Variants in PRKAR1B observed in about 807,000 individuals in gnomAD.
The protein encoded by PRKAR1B is cAMP-dependent protein kinase type I-beta regulatory subunit.
In PRKAR1B, 22 loss-of-function variants were observed where a neutral mutation model predicts 46.5. That is an observed-to-expected ratio of 0.47 (90% confidence interval 0.34 to 0.68). The LOEUF (loss-of-function observed/expected upper bound fraction) is 0.68. Among genes scored for constraint, PRKAR1B ranks in the 30% least tolerant of loss-of-function variants. PRKAR1B has a pLI of 0.01. For missense variants in PRKAR1B, 445 were observed against 535.6 expected, an observed-to-expected ratio of 0.83 and a Z score of 1.67; for synonymous variants, 259 against 217.7, an observed-to-expected ratio of 1.19 and a Z score of -1.67.
chr7:591,629 C>T (rs1016716472), intron 7 of PRKAR1B, among the ~76,000 whole-genome samples: 12 of 152,196 alleles, frequency 7.9e-5, no homozygotes, highest in South Asian at 2.1e-4. Context: ...GCGGGAGGGT[C>T]GCTTGAGCTC....
intron 6 of PRKAR1B, among the ~76,000 whole-genome samples, chr7:598,875 A>C (rs1781432385): frequency 6.6e-6 from 1 of 152,242 alleles, no homozygotes; most frequent in Non-Finnish European, 1.5e-5. Context: ...CTGCCCAGGC[A>C]AGTGGCAGGA....
chr7:586,707 A>G (rs891768143), intron 7 of PRKAR1B, among the ~76,000 whole-genome samples: 3 of 152,206 alleles, frequency 2.0e-5, no homozygotes, highest in Non-Finnish European at 4.4e-5. Flanking sequence ...GCTAACTAAT[A>G]CATCCAGCAA....
chr7:727,030 C>T (rs1781334879), intron 1 of PRKAR1B, 180 bp downstream of exon 1: 1 of 1,143,742 alleles, frequency 8.7e-7, no homozygotes, highest in Non-Finnish European at 1.1e-6. Flanking sequence ...GGATCTGGGC[C>T]TGCGCCGCGC....
At chr7:573,600 GCCC>G (rs1226586495) in intron 9 of PRKAR1B, among the ~76,000 whole-genome samples, 2 of 152,310 alleles carry the variant, frequency 1.3e-5, no homozygotes, top group East Asian at 1.9e-4. Context: ...AGCCGGGTGA[GCCC>G]CCCAAGATCA....
chr7:712,090 C>T (rs1780668461), intron 1 of PRKAR1B, among the ~76,000 whole-genome samples: 1 of 151,678 alleles, frequency 6.6e-6, no homozygotes, highest in African/African-American at 2.4e-5. Context: ...AGAACAAATG[C>T]GGCGGCCGCG....
At chr7:642,807 A>G (rs949745242) in intron 4 of PRKAR1B, among the ~76,000 whole-genome samples, 4 of 151,324 alleles carry the variant, frequency 2.6e-5, no homozygotes, top group African/African-American at 9.8e-5. Context: ...TTTCCTAAAA[A>G]CTAGCTGGTT....
At chr7:579,076 T>TCAGTGG in intron 9 of PRKAR1B, 180 bp downstream of exon 9, 1 of 985,460 alleles carries the variant, frequency 1.0e-6, no homozygotes, top group Non-Finnish European at 1.2e-6. Context: ...AGGAGGAATC[T>TCAGTGG]CAGTGGCAGG....
chr7:643,908 C>T (rs1017550684), intron 4 of PRKAR1B, among the ~76,000 whole-genome samples: 5 of 152,120 alleles, frequency 3.3e-5, no homozygotes, highest in African/African-American at 1.2e-4. Context: ...CAGCCACTCC[C>T]GTCGCCCCAA....
At chr7:724,756 T>C (rs1254168781) in intron 1 of PRKAR1B, among the ~76,000 whole-genome samples, 2 of 152,246 alleles carry the variant, frequency 1.3e-5, no homozygotes, top group African/African-American at 2.4e-5. Context: ...TTAAGGGCTA[T>C]CTCATCCTGC....
chr7:691,942 T>C lies in PRKAR1B; in HGVS notation c.178-11216A>G, dbSNP rs892024506. 1.7e-5 allele frequency: 14 copies of C among 805,136 alleles called. No individual in the cohort carries two copies. The African/African-American group carries it at 2.2e-4, about 13-fold the overall frequency. The allele number at this position is 805,136 out of a possible 1,614,324, so 49.9% of individuals were successfully genotyped here. A position where few individuals can be genotyped will look rare whatever the true frequency, so the allele number is the denominator to read the frequency against. On this transcript the variant is annotated intron_variant, in intron 2 of 10. Coordinates refer to ENST00000537384, the MANE Select transcript of PRKAR1B (RefSeq NM_001164760.2). ...CCCTTGCTCACATCCATCCCCAGGCTGAATCACTGGGAGACGGAAATCAAG... is the reference window on the plus strand; with the variant it reads ...CCCTTGCTCACATCCATCCCCAGGCCGAATCACTGGGAGACGGAAATCAAG...
At chr7:700,823 T>A (rs1376648918) in intron 2 of PRKAR1B, among the ~76,000 whole-genome samples, 1 of 152,130 alleles carries the variant, frequency 6.6e-6, no homozygotes, top group African/African-American at 2.4e-5. Context: ...GATGGGATCA[T>A]TTGCAGAATG....
At chr7:613,458 C>T (rs780260116) in intron 4 of PRKAR1B, among the ~76,000 whole-genome samples, 1 of 152,130 alleles carries the variant, frequency 6.6e-6, no homozygotes, top group Non-Finnish European at 1.5e-5. Context: ...CTGAGTGTGG[C>T]ACAGACTCCA....
chr7:598,820 C>G (rs1340486292), intron 6 of PRKAR1B, among the ~76,000 whole-genome samples: 1 of 152,232 alleles, frequency 6.6e-6, no homozygotes, highest in African/African-American at 2.4e-5. Context: ...GGTGAGTGAG[C>G]CTCTTGGCCC....
intron 4 of PRKAR1B, among the ~76,000 whole-genome samples, chr7:613,292 A>G (rs1439836236): frequency 7.2e-6 from 1 of 138,966 alleles, no homozygotes. Flanking sequence ...AATTTTCTAT[A>G]ATTACATTGT....
chr7:711,236 G>T (rs1780608518), intron 2 of PRKAR1B, 93 bp downstream of exon 2: 1 of 1,514,684 alleles, frequency 6.6e-7, no homozygotes, highest in Non-Finnish European at 9.0e-7. Flanking sequence ...CCCAGCCTTC[G>T]AGGACCACGG....
At chr7:679,149 G>A (rs1005877529) in intron 3 of PRKAR1B, among the ~76,000 whole-genome samples, 1 of 152,216 alleles carries the variant, frequency 6.6e-6, no homozygotes, top group Non-Finnish European at 1.5e-5. Flanking sequence ...AAATTGCAAA[G>A]ATCATTCTCG....
intron 4 of PRKAR1B, among the ~76,000 whole-genome samples, chr7:620,778 T>C (rs1186140130): frequency 2.0e-5 from 3 of 152,342 alleles, no homozygotes; most frequent in Non-Finnish European, 2.9e-5. Context: ...GGACTCCTCT[T>C]ATTTTTCTTT....
chr7:584,283 C>T (rs191116245), intron 8 of PRKAR1B, among the ~76,000 whole-genome samples: 4 of 152,204 alleles, frequency 2.6e-5, no homozygotes, highest in Admixed American at 6.5e-5. Context: ...AGGGCAGCCC[C>T]GCCCACGAGA....
In PRKAR1B at chr7:584,284, G is replaced by A. The variant is rs140811272; in HGVS notation, c.769+224C>T. 1.4e-3 allele frequency among the ~76,000 whole-genome samples: 209 copies of A among 152,348 alleles called. 1 individual carries two copies. Among genetic ancestry groups the A allele is most frequent in the Admixed American group, 8.1e-3 (124 of 15,306 alleles). Reference sequence around the variant, plus strand: ...AGACGTTGAGAAGCAGGGCAGCCCCGCCCACGAGAGAGGAGGCAGGCTCTT... The same window carrying A: ...AGACGTTGAGAAGCAGGGCAGCCCCACCCACGAGAGAGGAGGCAGGCTCTT... On this transcript the variant is annotated intron_variant, in intron 8 of 10. Coordinates refer to ENST00000537384, the MANE Select transcript of PRKAR1B (RefSeq NM_001164760.2).
Sources: gnomAD v4.1 joint callset for allele counts (sites outside exome capture counted in the v4.1 genomes callset) on GRCh38, gnomAD v4.1.1 for gene constraint, MANE v1.5 for transcripts, NCBI Gene and HGNC (gene_info 2026-07-23, HGNC 2026-07-21) for gene names.